The following NEGR1 variants were observed in gnomAD, a reference collection of about 807,000 sequenced individuals.
The protein encoded by NEGR1 is neuronal growth regulator 1.
NEGR1 carries 10 observed loss-of-function variants against 40.9 expected under a neutral mutation model. The ratio of observed to expected loss-of-function variants is 0.24; its 90% CI spans 0.15 to 0.42. The LOEUF (loss-of-function observed/expected upper bound fraction) is 0.42, where lower values mean the gene tolerates loss of function less well. NEGR1 is among the 10% of genes least tolerant of loss of function. NEGR1 has a pLI of 1.00. For missense variants in NEGR1, 352 were observed against 438.9 expected, an observed-to-expected ratio of 0.80 and a Z score of 1.77; for synonymous variants, 185 against 166.8, an observed-to-expected ratio of 1.11 and a Z score of -0.84.
intron 1 of NEGR1, among the ~76,000 whole-genome samples, chr1:71,961,054 T>C (rs1021817026): frequency 6.6e-6 from 1 of 152,190 alleles, no homozygotes; most frequent in Non-Finnish European, 1.5e-5. Context: ...TTTTAACAAA[T>C]ACACTCACAG....
intron 1 of NEGR1, among the ~76,000 whole-genome samples, chr1:72,189,904 G>A (rs1231699450): frequency 6.6e-6 from 1 of 151,492 alleles, no homozygotes; most frequent in Non-Finnish European, 1.5e-5. Context: ...CTAATGACTG[G>A]ACCTTGATCA....
intron 6 of NEGR1, among the ~76,000 whole-genome samples, chr1:71,498,480 A>T (rs2101396989): frequency 6.6e-6 from 1 of 152,270 alleles, no homozygotes; most frequent in East Asian, 1.9e-4. Context: ...AATATAAGTA[A>T]GGCTTTTTCA....
intron 3 of NEGR1, among the ~76,000 whole-genome samples, chr1:71,732,178 C>T (rs1229328819): frequency 6.6e-6 from 1 of 152,036 alleles, no homozygotes; most frequent in African/African-American, 2.4e-5. Flanking sequence ...CATGGTGGCA[C>T]ACGCCTATAG....
chr1:71,915,887 T>C (rs994141697), intron 2 of NEGR1, among the ~76,000 whole-genome samples: 7 of 152,214 alleles, frequency 4.6e-5, no homozygotes, highest in Non-Finnish European at 1.0e-4. Context: ...ACAGATACTT[T>C]AACAAGTAAC....
chr1:71,740,535 T>C (rs1279703354), intron 3 of NEGR1, among the ~76,000 whole-genome samples: 3 of 152,032 alleles, frequency 2.0e-5, no homozygotes, highest in African/African-American at 7.2e-5. Flanking sequence ...ATGAACTTCA[T>C]CCCACAAAGA....
chr1:72,266,076 A>G (rs1655628427), intron 1 of NEGR1, among the ~76,000 whole-genome samples: 1 of 150,918 alleles, frequency 6.6e-6, no homozygotes, highest in South Asian at 2.1e-4. Context: ...CCATGTTATT[A>G]CATCATCATA....
intron 1 of NEGR1, among the ~76,000 whole-genome samples, chr1:72,058,297 A>G (rs1647130476): frequency 6.6e-6 from 1 of 151,610 alleles, no homozygotes; most frequent in Admixed American, 6.6e-5. Context: ...GGTAGAGAAA[A>G]TTGGCAGAGT....
chr1:71,904,433 T>C (rs548312325), intron 2 of NEGR1, among the ~76,000 whole-genome samples: 1 of 152,210 alleles, frequency 6.6e-6, no homozygotes, highest in African/African-American at 2.4e-5. Flanking sequence ...AAATGAAAGA[T>C]AATATAATTT....
intron 2 of NEGR1, among the ~76,000 whole-genome samples, chr1:71,930,294 C>T (rs1645842999): frequency 6.6e-6 from 1 of 152,038 alleles, no homozygotes; most frequent in South Asian, 2.1e-4. Context: ...GGCAGAAATG[C>T]TACTTTATTC....
chr1:71,990,741 T>C (rs1488870973), intron 1 of NEGR1, among the ~76,000 whole-genome samples: 2 of 152,030 alleles, frequency 1.3e-5, no homozygotes, highest in African/African-American at 4.8e-5. Context: ...TCTCTCTGGA[T>C]ACATCTCTAA....
intron 6 of NEGR1, among the ~76,000 whole-genome samples, chr1:71,457,912 C>CA (rs1489084953): frequency 6.6e-6 from 1 of 152,118 alleles, no homozygotes; most frequent in Non-Finnish European, 1.5e-5. Flanking sequence ...CTGTGTTAGC[C>CA]AGGATGGTCT....
chr1:71,927,818 T>TA lies in NEGR1; in HGVS notation c.409+7260dup, dbSNP rs35429988. Among the ~76,000 whole-genome samples the TA allele has an allele frequency of 7.3e-3, 163 of 22,448 alleles. 25 individuals are homozygous for TA. Among genetic ancestry groups the TA allele is most frequent in the South Asian group, 0.011 (4 of 354 alleles). 14.7% of individuals were successfully genotyped at this position (22,448 alleles called of 152,430 possible). A position where few individuals can be genotyped will look rare whatever the true frequency, so the allele number is the denominator to read the frequency against. ...GGGCAACATGGCAAGACCCAATCTC[T>TA]AAAAAAAAAAAAAAAAAAAAAAAAA... On this transcript the variant is annotated intron_variant, in intron 2 of 6. Transcript: ENST00000357731.
chr1:71,691,792 C>G (rs1042819926), intron 4 of NEGR1, among the ~76,000 whole-genome samples: 1 of 151,630 alleles, frequency 6.6e-6, no homozygotes, highest in Non-Finnish European at 1.5e-5. Flanking sequence ...TGTACCCTGA[C>G]TAAACAAACA....
At chr1:72,244,179 G>A (rs1010930364) in intron 1 of NEGR1, among the ~76,000 whole-genome samples, 24 of 151,690 alleles carry the variant, frequency 1.6e-4, no homozygotes, top group Admixed American at 4.6e-4. Context: ...TCATAAAAAA[G>A]TATTACTGGA....
chr1:71,852,126 G>A (rs550701848), intron 2 of NEGR1, among the ~76,000 whole-genome samples: 99 of 152,142 alleles, frequency 6.5e-4, no homozygotes, highest in African/African-American at 2.1e-3. Context: ...TCCATACATC[G>A]TTGCAAGGAG....
chr1:71,871,001 G>T (rs1196946582), intron 2 of NEGR1, among the ~76,000 whole-genome samples: 1 of 152,172 alleles, frequency 6.6e-6, no homozygotes, highest in Non-Finnish European at 1.5e-5. Context: ...AATACCTGGG[G>T]ATAAGAGAAC....
At chr1:72,133,195 G>C (rs1471676205) in intron 1 of NEGR1, among the ~76,000 whole-genome samples, 1 of 151,900 alleles carries the variant, frequency 6.6e-6, no homozygotes, top group African/African-American at 2.4e-5. Context: ...AATATATGTA[G>C]AAAAAAATTA....
chr1:71,444,822 C>T (rs1646569785), intron 6 of NEGR1, among the ~76,000 whole-genome samples: 1 of 152,086 alleles, frequency 6.6e-6, no homozygotes, highest in Admixed American at 6.6e-5. Context: ...ATATAAAGTA[C>T]AATATAACAC....
chr1:72,028,066 T>C (rs1024527059), intron 1 of NEGR1, among the ~76,000 whole-genome samples: 2 of 152,204 alleles, frequency 1.3e-5, no homozygotes. Context: ...GTGAAATTTC[T>C]ATCCTAAAAA....
Sources: allele counts gnomAD v4.1 joint callset (sites outside exome capture counted in the v4.1 genomes callset), GRCh38; gene constraint gnomAD v4.1.1; transcripts MANE v1.5; gene names NCBI Gene and HGNC (gene_info 2026-07-23, HGNC 2026-07-21).